Variants in COL21A1 observed in about 807,000 individuals in gnomAD.
The protein encoded by COL21A1 is collagen type XXI alpha 1 chain.
Under a neutral mutation model 137.9 loss-of-function variants are expected in COL21A1, and 149 were observed. The ratio of observed to expected loss-of-function variants is 1.08; its 90% confidence interval spans 0.95 to 1.24. COL21A1 has a LOEUF of 1.24. Among genes scored for constraint, COL21A1 ranks in the 50% most tolerant of loss-of-function variants. The probability of loss-of-function intolerance (pLI) is 0.00; values close to 1 mark genes in which losing one functional copy is unlikely to be tolerated. For missense variants in COL21A1, 1,167 were observed against 1,158.4 expected, an observed-to-expected ratio of 1.01 and a Z score of -0.11; for synonymous variants, 456 against 391.5, an observed-to-expected ratio of 1.16 and a Z score of -1.95.
chr6:56,357,842 C>A (rs1009640420), intron 1 of COL21A1, among the ~76,000 whole-genome samples: 3 of 152,102 alleles, frequency 2.0e-5, no homozygotes, highest in Non-Finnish European at 4.4e-5. Flanking sequence ...AGATAATAGG[C>A]ATCTTCTAAA....
intron 1 of COL21A1, among the ~76,000 whole-genome samples, chr6:56,296,633 T>C (rs376524871): frequency 3.6e-4 from 54 of 152,012 alleles, no homozygotes; most frequent in Non-Finnish European, 8.8e-5. Context: ...GGTTTCCTCC[T>C]ATGACAATAT....
intron 16 of COL21A1, among the ~76,000 whole-genome samples, chr6:56,111,422 G>C (rs1765921617): frequency 6.6e-6 from 1 of 152,146 alleles, no homozygotes. Flanking sequence ...ATGGAGTCCA[G>C]TTGACAGTAA....
At chr6:56,291,812 T>A (rs1304061605) in intron 1 of COL21A1, among the ~76,000 whole-genome samples, 1 of 152,230 alleles carries the variant, frequency 6.6e-6, no homozygotes, top group African/African-American at 2.4e-5. Flanking sequence ...TTTAAAATAA[T>A]CACAATTCGT....
intron 1 of COL21A1, among the ~76,000 whole-genome samples, chr6:56,241,434 G>A (rs1466831218): frequency 6.6e-6 from 1 of 152,150 alleles, no homozygotes; most frequent in Non-Finnish European, 1.5e-5. Flanking sequence ...AGCAGCCTGG[G>A]CTAACTGAGA....
intron 16 of COL21A1, among the ~76,000 whole-genome samples, chr6:56,102,870 C>T (rs1353706815): frequency 6.6e-6 from 1 of 152,034 alleles, no homozygotes; most frequent in Non-Finnish European, 1.5e-5. Flanking sequence ...TAATGCTTTC[C>T]TGAAAATTAA....
chr6:56,276,194 A>G (rs1479473244), intron 1 of COL21A1, among the ~76,000 whole-genome samples: 1 of 152,204 alleles, frequency 6.6e-6, no homozygotes, highest in East Asian at 1.9e-4. Flanking sequence ...AGATGGGGAC[A>G]ATAGACACTG....
chr6:56,347,989 T>C (rs1436075873), intron 1 of COL21A1, among the ~76,000 whole-genome samples: 1 of 152,226 alleles, frequency 6.6e-6, no homozygotes, highest in African/African-American at 2.4e-5. Context: ...CATTCATTTA[T>C]GCACTCACTA....
At chr6:56,128,515 A>G (rs1773231986) in intron 12 of COL21A1, among the ~76,000 whole-genome samples, 1 of 152,166 alleles carries the variant, frequency 6.6e-6, no homozygotes, top group Non-Finnish European at 1.5e-5. Flanking sequence ...ATGCTGTTCT[A>G]GATGTCAGTA....
chr6:56,064,267 G>A (rs1427159773), intron 24 of COL21A1, among the ~76,000 whole-genome samples: 1 of 151,976 alleles, frequency 6.6e-6, no homozygotes, highest in Non-Finnish European at 1.5e-5. Context: ...TGTGTGACTG[G>A]CTGTCTCTGG....
In COL21A1 at chr6:56,180,023, T is replaced by G. The variant is rs1165089054; in HGVS notation, c.195A>C (p.Lys65Asn). 1 of 1,613,846 alleles carries G rather than the reference T, an allele frequency of 6.2e-7. No individual in the cohort carries two copies. The highest frequency in any genetic ancestry group is 1.7e-5 in the Admixed American group (1 of 59,962). The part of the protein sequence containing the change: ...IVKKWLVNIT[K>N]NFDIGPKFIQ... ...TAAACTTCGGCCCTATGTCAAAGTTTTTTGTGATATTGACAAGCCACTTTT... is the reference window on the plus strand; with the variant it reads ...TAAACTTCGGCCCTATGTCAAAGTTGTTTGTGATATTGACAAGCCACTTTT... The change falls in exon 3 of 30, where the codon AAA (lysine) becomes AAC (asparagine). Residue 65 changes from lysine to asparagine, a missense_variant. Coordinates refer to ENST00000244728, the MANE Select transcript of COL21A1 (RefSeq NM_030820.4).
chr6:56,214,558 A>G (rs995650769), intron 1 of COL21A1, among the ~76,000 whole-genome samples: 1 of 152,048 alleles, frequency 6.6e-6, no homozygotes, highest in Non-Finnish European at 1.5e-5. Flanking sequence ...TCTATTACAG[A>G]CTAGCAGAGT....
intron 1 of COL21A1, among the ~76,000 whole-genome samples, chr6:56,196,059 T>G (rs973697839): frequency 2.6e-5 from 4 of 152,060 alleles, no homozygotes; most frequent in Non-Finnish European, 4.4e-5. Context: ...GCAAGGATGG[T>G]CCAACATAGG....
intron 20 of COL21A1, among the ~76,000 whole-genome samples, chr6:56,073,393 C>CT (rs549452552): frequency 4.6e-5 from 7 of 151,302 alleles, no homozygotes; most frequent in African/African-American, 1.2e-4. Flanking sequence ...GCTCCCATGT[C>CT]TTTTTTTTCT....
At chr6:56,353,697 A>G (rs1425013205) in intron 1 of COL21A1, among the ~76,000 whole-genome samples, 1 of 152,234 alleles carries the variant, frequency 6.6e-6, no homozygotes, top group Non-Finnish European at 1.5e-5. Context: ...CCCTAATATC[A>G]AAATGTGAAT....
rs771442755 is a variant in COL21A1 at position 56,179,824 on chromosome 6, A to T, written c.394T>A (p.Ser132Thr). ...FALDYLFAKSSRFLTKIAVVL... is the reference protein window; with the variant it reads ...FALDYLFAKSTRFLTKIAVVL... ...ACTGCTATCTTAGTCAGAAATCGTG[A>T]GGACTTGGCAAAAAGGTAATCGAGC... Residue 132 changes from serine (S) to threonine (T), a missense_variant, in exon 3 of 30, where the codon TCA (serine) becomes ACA (threonine). Physicochemically the swap from Ser to Thr is moderately conservative, Grantham distance 58. Coordinates refer to ENST00000244728, the MANE Select transcript of COL21A1 (RefSeq NM_030820.4). 21 of 1,613,960 alleles carry T rather than the reference A, an allele frequency of 1.3e-5. No individual in the cohort carries two copies. The East Asian group carries it at 4.7e-4, about 36-fold the overall frequency.
rs1445672006 is a variant in COL21A1, at chr6:56,133,071, CA to C, written c.1543-6923del. On this transcript the variant is annotated intron_variant, in intron 12 of 29. Coordinates refer to ENST00000244728, the MANE Select transcript of COL21A1 (RefSeq NM_030820.4). ...AGTAGGGTGCTGCTGAAAAGATAAC[CA>C]AAAATGTGGAAGCAACTTTGGAACT... Among the ~76,000 whole-genome samples, 7 of 152,216 alleles carry C rather than the reference CA, an allele frequency of 4.6e-5. No homozygotes were observed. The South Asian group carries it at 1.0e-3, about 23-fold the overall frequency.
At chr6:56,271,457 C>T (rs957389952) in intron 1 of COL21A1, among the ~76,000 whole-genome samples, 7 of 152,264 alleles carry the variant, frequency 4.6e-5, no homozygotes, top group African/African-American at 1.7e-4. Flanking sequence ...AAAGAGATGA[C>T]TTGAAATTGG....
chr6:56,204,266 G>C (rs1779604711), intron 1 of COL21A1, among the ~76,000 whole-genome samples: 1 of 152,092 alleles, frequency 6.6e-6, no homozygotes, highest in Non-Finnish European at 1.5e-5. Flanking sequence ...ACAGCAGTCT[G>C]AGATGCTTGA....
At chr6:56,283,357 T>A (rs1763827183) in intron 1 of COL21A1, among the ~76,000 whole-genome samples, 1 of 151,632 alleles carries the variant, frequency 6.6e-6, no homozygotes, top group African/African-American at 2.4e-5. Context: ...AGAAAAAAAA[T>A]CTCATCATAA....
Sources: allele counts gnomAD v4.1 joint callset (sites outside exome capture counted in the v4.1 genomes callset), GRCh38; gene constraint gnomAD v4.1.1; transcripts MANE v1.5; gene names NCBI Gene and HGNC (gene_info 2026-07-23, HGNC 2026-07-21).